Variants in TAF8 observed in about 807,000 individuals in gnomAD.
TAF8 encodes the protein transcription initiation factor TFIID subunit 8.
Under a neutral mutation model 36.5 loss-of-function variants are expected in TAF8, and 47 were observed. The ratio of observed to expected loss-of-function variants is 1.29; its 90% confidence interval spans 1.02 to 1.64. The LOEUF (loss-of-function observed/expected upper bound fraction) is 1.64. Among genes scored for constraint, TAF8 ranks in the 40% most tolerant of loss-of-function variants. The pLI is 0.00. For missense variants in TAF8, 420 were observed against 407.6 expected (o/e 1.03, Z -0.26); for synonymous variants, 175 against 159.5 (o/e 1.10, Z -0.73).
At chr6:42,061,903 C>T (rs1424199449) in intron 5 of TAF8, among the ~76,000 whole-genome samples, 1 of 152,050 alleles carries the variant, frequency 6.6e-6, no homozygotes, top group African/African-American at 2.4e-5. Flanking sequence ...CCCAGGTCAC[C>T]ATAAGTCATT....
Position 42,050,569 on chromosome 6 carries a change from GC to G in TAF8, c.30del (p.Gly11ValfsTer31). 1 of 1,556,782 alleles carries G rather than the reference GC, an allele frequency of 6.4e-7. No homozygotes were observed. The highest frequency in any genetic ancestry group is 8.7e-7 in the Non-Finnish European group (1 of 1,150,670). On this transcript the variant is annotated frameshift_variant, in exon 1 of 9. Coordinates refer to ENST00000372977, the MANE Select transcript of TAF8 (RefSeq NM_138572.3). LOFTEE classifies it high-confidence loss of function. ...GGCCGACGCGGCGGCCACAGCTGGG[GC>G]CGGTGGCTCCGGAACGGTAAGGGCA... MADAAATAG[A>X]GGSGTRSGSK...
Position 42,079,705 on chromosome 6 carries a change from C to T in TAF8, c.*2160C>T, listed in dbSNP as rs948435043. On this transcript the variant is annotated 3_prime_UTR_variant, in exon 9 of 9. Transcript: ENST00000372977. ...CTGGGATTACAGATGCCCGCCACCA[C>T]ATCTGGCTAATTTTTTTTTTTTTTT... The T allele has an allele frequency of 1.9e-5, 12 of 634,788 alleles. No homozygotes were observed. In the African/African-American group the frequency reaches 2.0e-4, roughly 11 times the overall value. The allele number at this position is 634,788 out of a possible 1,614,324, so 39.3% of individuals were successfully genotyped here.
intron 7 of TAF8, among the ~76,000 whole-genome samples, chr6:42,075,392 C>T (rs935091561): frequency 1.3e-5 from 2 of 152,138 alleles, no homozygotes; most frequent in Admixed American, 1.3e-4. Flanking sequence ...TGATACTGGG[C>T]CAATGGAACT....
At chr6:42,057,642 G>A (rs1043699507) in intron 5 of TAF8, 129 bp downstream of exon 5, 27 of 1,288,688 alleles carry the variant, frequency 2.1e-5, no homozygotes, top group Middle Eastern at 2.1e-4. Context: ...GAATGTGGCC[G>A]GGCACATTGG....
At chr6:42,055,421 A>T in intron 2 of TAF8, 110 bp from the exon 3 acceptor site, 1 of 725,138 alleles carries the variant, frequency 1.4e-6, no homozygotes, top group South Asian at 1.6e-5. Flanking sequence ...CCCTGCTTTC[A>T]GTTCATTTAT....
At position 42,080,019 on chromosome 6, in the gene TAF8, C is replaced by T. The variant is rs531957819; in HGVS notation, c.*2474C>T. 3.0e-6 allele frequency: 3 copies of T among 985,258 alleles called. No individual in the cohort carries two copies. The highest frequency in any genetic ancestry group is 1.1e-4 in the East Asian group (1 of 8,816). 61.0% of individuals were successfully genotyped at this position (985,258 alleles called of 1,614,324 possible). ...GTAAAAAAAAAAAAATTGGATTCCC[C>T]AACTGGACTAAATAGGAGTTTTTCA... On this transcript the variant is annotated 3_prime_UTR_variant, in exon 9 of 9. Transcript: ENST00000372977.
intron 7 of TAF8, among the ~76,000 whole-genome samples, chr6:42,071,127 T>C (rs9471749): frequency 0.022 from 3,280 of 152,160 alleles, 113 homozygotes; most frequent in African/African-American, 0.074. Flanking sequence ...ATAGTCAGGT[T>C]GCCATATTCA....
chr6:42,055,717 T>G, intron 3 of TAF8, 88 bp downstream of exon 3: 1 of 1,072,784 alleles, frequency 9.3e-7, no homozygotes, highest in Non-Finnish European at 1.4e-6. Flanking sequence ...GTTCTTGGTT[T>G]CCCTCATGGT....
chr6:42,055,463 T>C (rs958012964), intron 2 of TAF8, 68 bp from the exon 3 acceptor site: 21 of 1,101,990 alleles, frequency 1.9e-5, no homozygotes, highest in African/African-American at 4.6e-5. Context: ...TGTTGGCTCA[T>C]CTGGTAATTC....
chr6:42,057,765 A>C (rs1486977322), intron 5 of TAF8: 12 of 339,276 alleles, frequency 3.5e-5, no homozygotes, highest in Non-Finnish European at 4.9e-5. Flanking sequence ...TTTGAAAAAT[A>C]AATAAATAAA....
chr6:42,074,225 G>T (rs79012650), intron 7 of TAF8, among the ~76,000 whole-genome samples: 10 of 152,244 alleles, frequency 6.6e-5, no homozygotes, highest in African/African-American at 2.4e-4. Context: ...ACTGAGAAGC[G>T]CCGTTTACAC....
Position 42,066,395 on chromosome 6 carries a change from C to G in TAF8, c.573C>G (p.Thr191=). ...SQRRDVERAL[T]RFMAKTGETQ... is the part of the protein sequence containing the mutation. ...GGCGCGATGTGGAGCGGGCACTTACCCGTTTCATGGCCAAGACAGGCGAGA... is the reference window on the plus strand; with the variant it reads ...GGCGCGATGTGGAGCGGGCACTTACGCGTTTCATGGCCAAGACAGGCGAGA... Residue 191 remains threonine (T), a synonymous_variant, in exon 6 of 9, where the codon ACC becomes ACG. Coordinates refer to ENST00000372977, the MANE Select transcript of TAF8 (RefSeq NM_138572.3). 1 of 1,614,220 alleles carries G rather than the reference C, an allele frequency of 6.2e-7. No individual in the cohort carries two copies. The highest frequency in any genetic ancestry group is 8.5e-7 in the Non-Finnish European group (1 of 1,180,040).
rs190073889 is a variant in TAF8 at position 42,073,800 on chromosome 6, G to A, written c.781-3300G>A. The stretch of plus-strand genomic sequence containing the variant: ...GAGGGATGTTTCTGAGCTTCTTAAA[G>A]CACCACTCTGATGGCTCGGTAAGAA... On this transcript the variant is annotated intron_variant, in intron 7 of 8. Transcript: ENST00000372977. Among the ~76,000 whole-genome samples the A allele has an allele frequency of 4.4e-3, 675 of 152,296 alleles. 8 individuals carry two copies. Among genetic ancestry groups the A allele is most frequent in the African/African-American group, 0.015 (642 of 41,564 alleles).
At chr6:42,067,821 T>A (rs1765419506) in intron 6 of TAF8, among the ~76,000 whole-genome samples, 1 of 151,886 alleles carries the variant, frequency 6.6e-6, no homozygotes. Context: ...TGCCTCAGCC[T>A]CCCACAGTGC....
In TAF8 at chr6:42,081,513, T is replaced by TCCCAGGCGTG. The variant is rs1483073953; in HGVS notation, c.*3968_*3969insCCCAGGCGTG. 3 of 151,902 alleles carry TCCCAGGCGTG rather than the reference T, an allele frequency of 2.0e-5. No individual in the cohort carries two copies. The highest frequency in any genetic ancestry group is 4.4e-5 in the Non-Finnish European group (3 of 68,004). 9.4% of individuals were successfully genotyped at this position (151,902 alleles called of 1,614,324 possible). A position where few individuals can be genotyped will look rare whatever the true frequency, so the allele number is the denominator to read the frequency against. On this transcript the variant is annotated 3_prime_UTR_variant, in exon 9 of 9. Coordinates refer to ENST00000372977, the MANE Select transcript of TAF8 (RefSeq NM_138572.3). Reference sequence around the variant, plus strand: ...CCTCCCAAGTAGCTGGGACTACAGGTGCCTGCTACCACGCCCAGCTAATTT... The same window carrying TCCCAGGCGTG: ...CCTCCCAAGTAGCTGGGACTACAGGTCCCAGGCGTGGCCTGCTACCACGCCCAGCTAATTT...
Position 42,079,282 on chromosome 6 carries a change from C to G in TAF8, c.*1737C>G. The G allele has an allele frequency of 1.0e-6, 1 of 985,518 alleles. No individual in the cohort carries two copies. The highest frequency in any genetic ancestry group is 1.2e-6 in the Non-Finnish European group (1 of 829,978). The allele number at this position is 985,518 out of a possible 1,614,324, so 61.0% of individuals were successfully genotyped here. On this transcript the variant is annotated 3_prime_UTR_variant, in exon 9 of 9. Transcript: ENST00000372977. Reference sequence around the variant, plus strand: ...CAGGAGTGAGCCAAGCTGAGGCGTTCTGCAAGAAGCAGGTCTGAGTCTGTC... The same window carrying G: ...CAGGAGTGAGCCAAGCTGAGGCGTTGTGCAAGAAGCAGGTCTGAGTCTGTC...
In TAF8 at chr6:42,079,752, C is replaced by A; in HGVS notation, c.*2207C>A. The A allele has an allele frequency of 3.3e-6, 2 of 610,318 alleles. No individual in the cohort carries two copies. The highest frequency in any genetic ancestry group is 4.1e-6 in the Non-Finnish European group (2 of 490,540). The allele number at this position is 610,318 out of a possible 1,614,324, so 37.8% of individuals were successfully genotyped here. On this transcript the variant is annotated 3_prime_UTR_variant, in exon 9 of 9. Coordinates refer to ENST00000372977, the MANE Select transcript of TAF8 (RefSeq NM_138572.3). ...TTTTTTTAGTAGACACGGGATTTTG[C>A]TATGTTGCCCAGGCTGGTCTTGAAC...
chr6:42,056,107 A>T (rs985111080), intron 4 of TAF8, 93 bp downstream of exon 4: 2 of 845,182 alleles, frequency 2.4e-6, no homozygotes, highest in Non-Finnish European at 4.0e-6. Context: ...ATTAGTAGCT[A>T]CTTCCTTGTT....
chr6:42,079,499 G>T lies in TAF8; in HGVS notation c.*1954G>T. 1 of 985,394 alleles carries T rather than the reference G, an allele frequency of 1.0e-6. No homozygotes were observed. Among genetic ancestry groups the T allele is most frequent in the Non-Finnish European group, 1.2e-6 (1 of 829,916 alleles). The allele number at this position is 985,394 out of a possible 1,614,324, so 61.0% of individuals were successfully genotyped here. A position where few individuals can be genotyped will look rare whatever the true frequency, so the allele number is the denominator to read the frequency against. ...AAGTGAACACTGGATGAATAAGCTT[G>T]TTTCCCAAATTAGAATCCTAACGTC... On this transcript the variant is annotated 3_prime_UTR_variant, in exon 9 of 9. Coordinates refer to ENST00000372977, the MANE Select transcript of TAF8 (RefSeq NM_138572.3).
Sources: allele counts gnomAD v4.1 joint callset (sites outside exome capture counted in the v4.1 genomes callset), GRCh38; gene constraint gnomAD v4.1.1; transcripts MANE v1.5; gene names NCBI Gene and HGNC (gene_info 2026-07-23, HGNC 2026-07-21).